The following NOS1AP variants were observed in gnomAD, a reference collection of about 807,000 sequenced individuals.
The protein encoded by NOS1AP is nitric oxide synthase 1 adaptor protein, also known as carboxyl-terminal PDZ ligand of neuronal nitric oxide synthase protein.
In NOS1AP, 21 loss-of-function variants were observed where a neutral mutation model predicts 56.2. The observed-to-expected ratio is 0.37, with a 90% confidence interval of 0.26 to 0.54. The LOEUF (loss-of-function observed/expected upper bound fraction) is 0.54. Among genes scored for constraint, NOS1AP ranks in the 20% least tolerant of loss-of-function variants. The pLI, the probability that NOS1AP is intolerant of heterozygous loss-of-function variation, is 0.84. For synonymous variants in NOS1AP, 270 were observed against 274.6 expected, an observed-to-expected ratio of 0.98 and a Z score of 0.17; for missense variants, 522 against 657.8, an observed-to-expected ratio of 0.79 and a Z score of 2.26.
At chr1:162,353,739 C>G (rs1056197712) in intron 6 of NOS1AP, among the ~76,000 whole-genome samples, 1 of 152,134 alleles carries the variant, frequency 6.6e-6, no homozygotes. Flanking sequence ...GAAATTTCAC[C>G]CTGCTTTTTC....
At chr1:162,263,934 A>G (rs975234821) in intron 2 of NOS1AP, among the ~76,000 whole-genome samples, 2 of 152,164 alleles carry the variant, frequency 1.3e-5, no homozygotes, top group African/African-American at 2.4e-5. Context: ...CCCACATCCA[A>G]TCCAACACCA....
At chr1:162,335,910 A>T (rs1382330110) in intron 5 of NOS1AP, among the ~76,000 whole-genome samples, 1 of 151,892 alleles carries the variant, frequency 6.6e-6, no homozygotes, top group Non-Finnish European at 1.5e-5. Flanking sequence ...GCCTCCCTCG[A>T]CCTTGTTCCC....
chr1:162,165,464 T>C (rs1193482217), intron 2 of NOS1AP, among the ~76,000 whole-genome samples: 3 of 152,232 alleles, frequency 2.0e-5, no homozygotes, highest in Non-Finnish European at 2.9e-5. Flanking sequence ...TTTATCCTTA[T>C]AACAACTCTG....
intron 2 of NOS1AP, among the ~76,000 whole-genome samples, chr1:162,162,035 C>T (rs910925562): frequency 6.6e-6 from 1 of 152,168 alleles, no homozygotes; most frequent in African/African-American, 2.4e-5. Flanking sequence ...TGAGAGTTCT[C>T]CATAAGAATT....
chr1:162,236,501 T>G (rs2101675454), intron 2 of NOS1AP, among the ~76,000 whole-genome samples: 1 of 152,312 alleles, frequency 6.6e-6, no homozygotes, highest in East Asian at 1.9e-4. Flanking sequence ...CGGACATGTC[T>G]TTCTACTCCC....
chr1:162,299,528 C>T (rs1225441759), intron 3 of NOS1AP, among the ~76,000 whole-genome samples: 2 of 152,198 alleles, frequency 1.3e-5, no homozygotes, highest in East Asian at 3.8e-4. Context: ...AGAGATTAGT[C>T]TCCTTCTGTG....
intron 1 of NOS1AP, among the ~76,000 whole-genome samples, chr1:162,128,784 C>A (rs1571040362): frequency 1.3e-5 from 2 of 152,138 alleles, no homozygotes; most frequent in Admixed American, 6.5e-5. Flanking sequence ...CACATCCCAC[C>A]CCCTGCTTTC....
intron 4 of NOS1AP, among the ~76,000 whole-genome samples, chr1:162,326,288 G>T (rs1238543757): frequency 6.6e-6 from 1 of 152,168 alleles, no homozygotes; most frequent in East Asian, 1.9e-4. Context: ...GTAGACTCAG[G>T]AAACCTTGCA....
At chr1:162,340,112 T>C (rs186009545) in intron 5 of NOS1AP, among the ~76,000 whole-genome samples, 1 of 152,212 alleles carries the variant, frequency 6.6e-6, no homozygotes, top group East Asian at 1.9e-4. Flanking sequence ...TAGAGTAGCT[T>C]GATTATGTGT....
intron 2 of NOS1AP, among the ~76,000 whole-genome samples, chr1:162,234,653 T>A (rs2101673247): frequency 6.6e-6 from 1 of 152,244 alleles, no homozygotes; most frequent in South Asian, 2.1e-4. Context: ...ATTCTTGCTG[T>A]CCTGTTCTCC....
At chr1:162,091,681 T>C (rs755539420) in intron 1 of NOS1AP, among the ~76,000 whole-genome samples, 23 of 152,184 alleles carry the variant, frequency 1.5e-4, no homozygotes, top group Non-Finnish European at 2.8e-4. Flanking sequence ...AAATCCTGCT[T>C]ATGTGTAATT....
chr1:162,107,550 C>T (rs1647561670), intron 1 of NOS1AP, among the ~76,000 whole-genome samples: 1 of 152,036 alleles, frequency 6.6e-6, no homozygotes, highest in South Asian at 2.1e-4. Flanking sequence ...TGTTATGGTG[C>T]CCAGGCTGGT....
At chr1:162,293,254 T>G (rs190568370) in intron 3 of NOS1AP, among the ~76,000 whole-genome samples, 3 of 152,134 alleles carry the variant, frequency 2.0e-5, no homozygotes, top group Admixed American at 6.5e-5. Context: ...CCGCTGCTAT[T>G]AGGTGCTTGA....
chr1:162,167,778 C>A (rs760699216), intron 2 of NOS1AP, among the ~76,000 whole-genome samples: 5 of 152,144 alleles, frequency 3.3e-5, no homozygotes, highest in Non-Finnish European at 5.9e-5. Flanking sequence ...CCAAGTGGGT[C>A]TTTGTTTATC....
At chr1:162,277,056 C>G (rs1399783888) in intron 2 of NOS1AP, among the ~76,000 whole-genome samples, 2 of 152,242 alleles carry the variant, frequency 1.3e-5, no homozygotes, top group South Asian at 4.2e-4. Flanking sequence ...GTCTGTGGAC[C>G]AGTAGTGTCA....
At chr1:162,142,819 G>A (rs981810169) in intron 1 of NOS1AP, among the ~76,000 whole-genome samples, 9 of 152,168 alleles carry the variant, frequency 5.9e-5, no homozygotes, top group Admixed American at 3.9e-4. Context: ...GTATGTAAAG[G>A]TTATTCTGGC....
At chr1:162,348,304 G>A (rs1166786112) in intron 6 of NOS1AP, among the ~76,000 whole-genome samples, 1 of 152,210 alleles carries the variant, frequency 6.6e-6, no homozygotes, top group East Asian at 1.9e-4. Flanking sequence ...GACACTTGGT[G>A]TCAGGGGAGC....
Position 162,130,506 on chromosome 1 carries a change from T to C in NOS1AP, c.106-23899T>C, listed in dbSNP as rs552333540. On this transcript the variant is annotated intron_variant, in intron 1 of 9. Transcript: ENST00000361897. ...CTCTGTTTCTCAGGCAGTATCCCTG[T>C]GACTATGCTGGCACCTGCTGAAAGC... is the stretch of plus-strand genomic sequence containing the variant. 1.1e-4 allele frequency among the ~76,000 whole-genome samples: 16 copies of C among 152,338 alleles called. 1 individual carries two copies. Among genetic ancestry groups the C allele is most frequent in the African/African-American group, 3.6e-4 (15 of 41,576 alleles).
chr1:162,272,395 G>C (rs1197296587), intron 2 of NOS1AP, among the ~76,000 whole-genome samples: 1 of 152,178 alleles, frequency 6.6e-6, no homozygotes, highest in Non-Finnish European at 1.5e-5. Flanking sequence ...TGAAGCTGGG[G>C]ATGCTGCCAA....
Sources: gnomAD v4.1 joint callset for allele counts (sites outside exome capture counted in the v4.1 genomes callset) on GRCh38, gnomAD v4.1.1 for gene constraint, MANE v1.5 for transcripts, NCBI Gene and HGNC (gene_info 2026-07-23, HGNC 2026-07-21) for gene names.